Variants in RELCH observed in about 807,000 individuals in gnomAD.
RELCH encodes the protein RAB11 binding and LisH domain, coiled-coil and HEAT repeat containing.
Under a neutral mutation model 150.3 loss-of-function variants are expected in RELCH, and 41 were observed. The observed-to-expected ratio is 0.27, with a 90% CI of 0.21 to 0.35. RELCH has a LOEUF of 0.35. RELCH is among the 10% of genes least tolerant of loss of function. The pLI is 1.00. For missense variants in RELCH, 1,092 were observed against 1,467.8 expected, an observed-to-expected ratio of 0.74 and a Z score of 4.18; for synonymous variants, 478 against 531.8, an observed-to-expected ratio of 0.90 and a Z score of 1.39.
At chr18:62,238,903 C>G (rs894392298) in intron 10 of RELCH, among the ~76,000 whole-genome samples, 3 of 151,998 alleles carry the variant, frequency 2.0e-5, no homozygotes, top group African/African-American at 7.2e-5. Flanking sequence ...AGGAAAGAAC[C>G]AATTCCCTAA....
chr18:62,253,354 T>G (rs891503138), intron 12 of RELCH, among the ~76,000 whole-genome samples: 1 of 151,856 alleles, frequency 6.6e-6, no homozygotes, highest in Admixed American at 6.6e-5. Flanking sequence ...ATTACAAATA[T>G]ATAAGGTGTA....
intron 1 of RELCH, among the ~76,000 whole-genome samples, chr18:62,190,440 G>A (rs1249313067): frequency 2.0e-5 from 3 of 152,120 alleles, no homozygotes; most frequent in Admixed American, 6.5e-5. Context: ...AGCTAGGCGT[G>A]GTGGTGGGCA....
intron 26 of RELCH, 123 bp downstream of exon 26, chr18:62,287,590 T>G: frequency 1.5e-6 from 1 of 670,872 alleles, no homozygotes; most frequent in South Asian, 1.7e-5. Context: ...TGTAGAAAAT[T>G]GAAGATTTGA....
At chr18:62,240,994 C>A (rs1306282019) in intron 10 of RELCH, among the ~76,000 whole-genome samples, 1 of 151,942 alleles carries the variant, frequency 6.6e-6, no homozygotes, top group East Asian at 1.9e-4. Flanking sequence ...GACACATAGC[C>A]CTCCTGTGCA....
chr18:62,214,148 T>C (rs141840809), intron 2 of RELCH, among the ~76,000 whole-genome samples: 139 of 152,256 alleles, frequency 9.1e-4, no homozygotes, highest in African/African-American at 3.3e-3. Flanking sequence ...TGCTCATATA[T>C]AAATAAATGC....
chr18:62,288,843 G>A (rs1312866725), intron 26 of RELCH, among the ~76,000 whole-genome samples: 1 of 152,134 alleles, frequency 6.6e-6, no homozygotes, highest in Non-Finnish European at 1.5e-5. Flanking sequence ...TAGTATTGGA[G>A]AAGTGATAGG....
At chr18:62,188,660 T>A (rs1401280146) in intron 1 of RELCH, among the ~76,000 whole-genome samples, 1 of 152,250 alleles carries the variant, frequency 6.6e-6, no homozygotes, top group Non-Finnish European at 1.5e-5. Flanking sequence ...GGCAGACAGG[T>A]TCTACCAGCA....
chr18:62,226,540 T>C (rs1365842850), intron 5 of RELCH, among the ~76,000 whole-genome samples: 3 of 152,080 alleles, frequency 2.0e-5, no homozygotes, highest in African/African-American at 7.2e-5. Flanking sequence ...AAGAACAAAA[T>C]TAATGATTTG....
chr18:62,207,410 A>G (rs2039871488), intron 1 of RELCH, among the ~76,000 whole-genome samples: 2 of 152,200 alleles, frequency 1.3e-5, no homozygotes, highest in Admixed American at 6.5e-5. Flanking sequence ...CAATGGACAG[A>G]TATTTAGTTG....
At chr18:62,277,823 TATA>T (rs1284829263) in intron 22 of RELCH, 25 of 831,784 alleles carry the variant, frequency 3.0e-5, no homozygotes, top group African/African-American at 5.5e-5. Flanking sequence ...TTTATCATGT[TATA>T]ATAAATTTCC....
intron 12 of RELCH, among the ~76,000 whole-genome samples, chr18:62,253,764 C>G (rs536901710): frequency 6.6e-6 from 1 of 152,194 alleles, no homozygotes; most frequent in South Asian, 2.1e-4. Flanking sequence ...CTGTCACAAT[C>G]CCTTATACCA....
At chr18:62,221,927 A>G (rs2040900506) in intron 5 of RELCH, among the ~76,000 whole-genome samples, 1 of 151,980 alleles carries the variant, frequency 6.6e-6, no homozygotes. Flanking sequence ...TGTAAATGAG[A>G]GTGAGAAAAT....
At position 62,307,276 on chromosome 18, in the gene RELCH, G is replaced by A. The variant is rs909303413; in HGVS notation, c.*1742G>A. 4 of 151,886 alleles carry A rather than the reference G, an allele frequency of 2.6e-5. No homozygotes were observed. Among genetic ancestry groups the A allele is most frequent in the Admixed American group, 6.6e-5 (1 of 15,248 alleles). 9.4% of individuals were successfully genotyped at this position (151,886 alleles called of 1,614,324 possible). A position where few individuals can be genotyped will look rare whatever the true frequency, so the allele number is the denominator to read the frequency against. ...CTATTTTGGTTTATTTTTACTAAAA[G>A]GGGACCATGTTGCTATAAAACTAAT... On this transcript the variant is annotated 3_prime_UTR_variant, in exon 29 of 29. Coordinates refer to ENST00000644646, the MANE Select transcript of RELCH (RefSeq NM_001346231.2).
intron 10 of RELCH, chr18:62,235,034 A>G (rs1006021337): frequency 2.0e-5 from 3 of 151,958 alleles, no homozygotes; most frequent in Non-Finnish European, 4.4e-5. Flanking sequence ...TAGAAGATAT[A>G]TATATCTATA....
intron 12 of RELCH, among the ~76,000 whole-genome samples, chr18:62,253,411 T>C (rs1309704094): frequency 6.6e-6 from 1 of 152,026 alleles, no homozygotes; most frequent in African/African-American, 2.4e-5. Context: ...AACTCATTAT[T>C]TTACTAACAA....
chr18:62,191,453 T>C (rs1006860744), intron 1 of RELCH, among the ~76,000 whole-genome samples: 2 of 152,194 alleles, frequency 1.3e-5, no homozygotes, highest in Admixed American at 1.3e-4. Flanking sequence ...CCAGGGTACA[T>C]GTGCAGGGTG....
chr18:62,264,580 T>A (rs1248152245), intron 17 of RELCH, 149 bp from the exon 18 acceptor site: 2 of 620,502 alleles, frequency 3.2e-6, no homozygotes, highest in Non-Finnish European at 5.6e-6. Context: ...AATGTAATCT[T>A]ACAACCTATT....
chr18:62,289,820 G>GC (rs2045019227), intron 26 of RELCH, among the ~76,000 whole-genome samples: 1 of 152,134 alleles, frequency 6.6e-6, no homozygotes, highest in African/African-American at 2.4e-5. Flanking sequence ...GAAAAGGTAG[G>GC]CCCCCAACAG....
At chr18:62,284,966 T>A (rs1004703989) in intron 25 of RELCH, among the ~76,000 whole-genome samples, 1 of 152,206 alleles carries the variant, frequency 6.6e-6, no homozygotes, top group Non-Finnish European at 1.5e-5. Context: ...TTTTCTGAAG[T>A]GGCAATTTTC....
Sources: gnomAD v4.1 joint callset for allele counts (sites outside exome capture counted in the v4.1 genomes callset) on GRCh38, gnomAD v4.1.1 for gene constraint, MANE v1.5 for transcripts, NCBI Gene and HGNC (gene_info 2026-07-23, HGNC 2026-07-21) for gene names.